The following PTPRO variants were observed in gnomAD, a reference collection of about 807,000 sequenced individuals.
PTPRO encodes the protein receptor-type tyrosine-protein phosphatase O.
A neutral mutation model predicts 145.2 loss-of-function variants in PTPRO; 62 were observed. The observed-to-expected ratio is 0.43, with a 90% confidence interval of 0.35 to 0.53. PTPRO has a LOEUF of 0.53. PTPRO is among the 20% of genes least tolerant of loss of function. The pLI, the probability that PTPRO is intolerant of heterozygous loss-of-function variation, is 0.01. For synonymous variants in PTPRO, 565 were observed against 514.7 expected (o/e 1.10, Z -1.32); for missense variants, 1,345 against 1,482.7 (o/e 0.91, Z 1.53).
At chr12:15,470,173 C>G (rs770252347) in intron 1 of PTPRO, among the ~76,000 whole-genome samples, 1 of 152,142 alleles carries the variant, frequency 6.6e-6, no homozygotes, top group Non-Finnish European at 1.5e-5. Flanking sequence ...CAATTAAGTA[C>G]AGATATGAAA....
chr12:15,406,694 T>C (rs541664602), intron 1 of PTPRO, among the ~76,000 whole-genome samples: 8 of 152,280 alleles, frequency 5.3e-5, no homozygotes, highest in African/African-American at 1.4e-4. Context: ...AAATAAATGC[T>C]ATAAATGCAA....
chr12:15,576,880 A>C (rs1944197154), intron 19 of PTPRO, among the ~76,000 whole-genome samples: 1 of 152,208 alleles, frequency 6.6e-6, no homozygotes, highest in African/African-American at 2.4e-5. Flanking sequence ...ATATCTATGC[A>C]GGCATTTTCT....
At chr12:15,510,736 A>T (rs1016640441) in intron 7 of PTPRO, among the ~76,000 whole-genome samples, 3 of 152,200 alleles carry the variant, frequency 2.0e-5, no homozygotes, top group African/African-American at 4.8e-5. Flanking sequence ...GTATAATATC[A>T]TACCACTATA....
intron 1 of PTPRO, among the ~76,000 whole-genome samples, chr12:15,385,827 A>AG (rs1939009318): frequency 6.6e-6 from 1 of 151,248 alleles, no homozygotes; most frequent in Admixed American, 6.6e-5. Context: ...AAAAAAAAAA[A>AG]AAAAAAGAAG....
intron 1 of PTPRO, among the ~76,000 whole-genome samples, chr12:15,479,665 G>C (rs1941735924): frequency 6.6e-6 from 1 of 152,224 alleles, no homozygotes; most frequent in Admixed American, 6.5e-5. Flanking sequence ...GCTCAGATAG[G>C]AGCAGATTTC....
chr12:15,526,968 G>T (rs1176800477), intron 12 of PTPRO, among the ~76,000 whole-genome samples: 1 of 152,052 alleles, frequency 6.6e-6, no homozygotes, highest in African/African-American at 2.4e-5. Context: ...AAAAACTAGA[G>T]TTAAAATAAG....
intron 9 of PTPRO, among the ~76,000 whole-genome samples, chr12:15,519,372 G>T (rs2136512077): frequency 6.6e-6 from 1 of 152,292 alleles, no homozygotes; most frequent in Admixed American, 6.5e-5. Context: ...TATCACATAG[G>T]TATGGCTATT....
At chr12:15,494,626 AC>A (rs922425952) in intron 2 of PTPRO, among the ~76,000 whole-genome samples, 11 of 152,232 alleles carry the variant, frequency 7.2e-5, no homozygotes, top group African/African-American at 1.9e-4. Flanking sequence ...CATAAAAAAA[AC>A]ATACAAGCAA....
intron 1 of PTPRO, among the ~76,000 whole-genome samples, chr12:15,474,665 CAA>C (rs1365989495): frequency 6.6e-6 from 1 of 152,228 alleles, no homozygotes; most frequent in South Asian, 2.1e-4. Flanking sequence ...TACTTCATCT[CAA>C]AAAAAGTTTT....
intron 1 of PTPRO, among the ~76,000 whole-genome samples, chr12:15,324,773 G>A (rs1233018019): frequency 3.3e-5 from 5 of 152,044 alleles, no homozygotes; most frequent in Admixed American, 6.5e-5. Flanking sequence ...TTTTACATAC[G>A]TTATTTCATT....
chr12:15,507,962 A>T (rs1283346532), intron 6 of PTPRO, among the ~76,000 whole-genome samples: 1 of 152,226 alleles, frequency 6.6e-6, no homozygotes, highest in Non-Finnish European at 1.5e-5. Context: ...GGAACATAAG[A>T]GAACAAAGCT....
At chr12:15,465,904 G>GT (rs894615256) in intron 1 of PTPRO, among the ~76,000 whole-genome samples, 1 of 151,850 alleles carries the variant, frequency 6.6e-6, no homozygotes, top group Non-Finnish European at 1.5e-5. Context: ...AAACCCCATG[G>GT]TTTTTTTTCC....
intron 1 of PTPRO, among the ~76,000 whole-genome samples, chr12:15,432,357 T>C (rs956196740): frequency 3.9e-5 from 6 of 152,270 alleles, no homozygotes; most frequent in African/African-American, 1.4e-4. Context: ...TGCTGCATAG[T>C]ATTCTATGAT....
At chr12:15,389,294 A>T (rs897047208) in intron 1 of PTPRO, among the ~76,000 whole-genome samples, 2 of 151,886 alleles carry the variant, frequency 1.3e-5, no homozygotes, top group African/African-American at 4.8e-5. Context: ...TTTTTAGTAG[A>T]GACGGGGTTT....
intron 1 of PTPRO, among the ~76,000 whole-genome samples, chr12:15,427,819 A>T (rs182166518): frequency 0.029 from 3,390 of 115,856 alleles, 143 homozygotes; most frequent in African/African-American, 0.083. Context: ...TTGCTTTATG[A>T]CTTTTGAGTT....
intron 1 of PTPRO, among the ~76,000 whole-genome samples, chr12:15,323,488 C>G (rs1186805400): frequency 6.6e-6 from 1 of 151,960 alleles, no homozygotes. Flanking sequence ...AATGTGCTAC[C>G]CTGAGGTTTT....
intron 1 of PTPRO, among the ~76,000 whole-genome samples, chr12:15,426,853 T>C (rs968837736): frequency 1.3e-5 from 2 of 152,078 alleles, no homozygotes; most frequent in African/African-American, 4.8e-5. Context: ...TGTATGCATT[T>C]TTATTTGCTC....
intron 17 of PTPRO, among the ~76,000 whole-genome samples, chr12:15,564,254 G>C (rs1943844471): frequency 6.6e-6 from 1 of 152,158 alleles, no homozygotes; most frequent in Non-Finnish European, 1.5e-5. Flanking sequence ...TGCCTTCGTG[G>C]ACGTGTTCCT....
At chr12:15,356,304 A>G (rs1219658200) in intron 1 of PTPRO, among the ~76,000 whole-genome samples, 1 of 152,210 alleles carries the variant, frequency 6.6e-6, no homozygotes, top group African/African-American at 2.4e-5. Context: ...TGAATTTTCT[A>G]GAGATACCTT....
Sources: gnomAD v4.1 joint callset for allele counts (sites outside exome capture counted in the v4.1 genomes callset) on GRCh38, gnomAD v4.1.1 for gene constraint, MANE v1.5 for transcripts, NCBI Gene and HGNC (gene_info 2026-07-23, HGNC 2026-07-21) for gene names.